The following SYNE1 variants were observed in gnomAD, a reference collection of about 807,000 sequenced individuals.
SYNE1 encodes nesprin-1.
A neutral mutation model predicts 1,111.0 loss-of-function variants in SYNE1; 616 were observed. That is an observed-to-expected ratio of 0.55 (90% confidence interval 0.52 to 0.59). The LOEUF (loss-of-function observed/expected upper bound fraction) is 0.59. Among genes scored for constraint, SYNE1 ranks in the 20% least tolerant of loss-of-function variants. The probability of loss-of-function intolerance (pLI) is 0.00; values close to 1 mark genes in which losing one functional copy is unlikely to be tolerated. For missense variants in SYNE1, 10,006 were observed against 10,417.0 expected, an observed-to-expected ratio of 0.96 and a Z score of 1.72; for synonymous variants, 3,855 against 3,825.8, an observed-to-expected ratio of 1.01 and a Z score of -0.28.
At position 152,243,761 on chromosome 6, in the gene SYNE1, T is replaced by C. The variant is rs576177200; in HGVS notation, c.19692+776A>G. ...CTGGACTGAGGTTACCAGTTCTCAATAGTTCTGCACACAGAGAAAATCTAA... is the reference window on the plus strand; with the variant it reads ...CTGGACTGAGGTTACCAGTTCTCAACAGTTCTGCACACAGAGAAAATCTAA... On this transcript the variant is annotated intron_variant, in intron 106 of 145. Coordinates refer to ENST00000367255, the MANE Select transcript of SYNE1 (RefSeq NM_182961.4). 9.8e-5 allele frequency among the ~76,000 whole-genome samples: 15 copies of C among 152,360 alleles called. No homozygotes were observed. The East Asian group carries it at 1.5e-3, about 16-fold the overall frequency.
intron 115 of SYNE1, 133 bp downstream of exon 115, chr6:152,230,414 C>T: frequency 1.0e-6 from 1 of 962,446 alleles, no homozygotes; most frequent in Non-Finnish European, 1.6e-6. Flanking sequence ...ACAAAATCAG[C>T]AAAATTTGTT....
At chr6:152,153,915 C>A (rs921122748) in intron 133 of SYNE1, among the ~76,000 whole-genome samples, 1 of 152,204 alleles carries the variant, frequency 6.6e-6, no homozygotes, top group Admixed American at 6.5e-5. Context: ...AAGCGAACTT[C>A]TTATTTCCCA....
intron 106 of SYNE1, 95 bp downstream of exon 106, chr6:152,244,442 T>C: frequency 6.3e-7 from 1 of 1,599,310 alleles, no homozygotes; most frequent in Non-Finnish European, 8.6e-7. Context: ...GTGGCGTGAA[T>C]TTTATAAAGA....
chr6:152,500,679 G>A (rs1253558690), intron 10 of SYNE1, among the ~76,000 whole-genome samples: 1 of 152,076 alleles, frequency 6.6e-6, no homozygotes, highest in African/African-American at 2.4e-5. Flanking sequence ...ACCAGGTGTG[G>A]TGGCTCACGC....
chr6:152,197,019 T>C (rs9478299), intron 127 of SYNE1, among the ~76,000 whole-genome samples: 3,153 of 152,294 alleles, frequency 0.021, 53 homozygotes, highest in African/African-American at 0.034. Flanking sequence ...GGGCATCAGC[T>C]GAGTTCTGCC....
chr6:152,255,409 T>A (rs932329791), intron 103 of SYNE1, among the ~76,000 whole-genome samples, 182 bp downstream of exon 103: 1 of 152,250 alleles, frequency 6.6e-6, no homozygotes, highest in South Asian at 2.1e-4. Context: ...TTTTCCCTCA[T>A]ACTTACACAA....
At position 152,450,923 on chromosome 6, in the gene SYNE1, G is replaced by A. The variant is rs1039194705; in HGVS notation, c.3187-90C>T. ...AGAAAAACCAAAGGAAGATTCCCAC[G>A]CAGACTACCAAGGTAGAGTAATTAA... On this transcript the variant is annotated intron_variant, in intron 26 of 145. Transcript: ENST00000367255. 14 of 1,589,916 alleles carry A rather than the reference G, an allele frequency of 8.8e-6. No individual in the cohort carries two copies. The African/African-American group carries it at 1.1e-4, about 12-fold the overall frequency.
intron 111 of SYNE1, 95 bp downstream of exon 111, chr6:152,234,573 G>A (rs934945340): frequency 6.8e-7 from 1 of 1,466,972 alleles, no homozygotes; most frequent in Non-Finnish European, 9.5e-7. Flanking sequence ...TTACAGGTGT[G>A]AGCCACCGCA....
chr6:152,606,796 C>T (rs1402005745), intron 3 of SYNE1, among the ~76,000 whole-genome samples: 3 of 144,630 alleles, frequency 2.1e-5, no homozygotes, highest in African/African-American at 5.1e-5. Context: ...TACAGGCGCC[C>T]GCCACCACGC....
intron 98 of SYNE1, among the ~76,000 whole-genome samples, chr6:152,273,446 G>T (rs1247121198): frequency 2.6e-5 from 4 of 151,878 alleles, no homozygotes; most frequent in African/African-American, 9.7e-5. Flanking sequence ...ATGTTCTAAA[G>T]AATTTTTTTA....
chr6:152,513,778 T>C (rs545048102), intron 6 of SYNE1, among the ~76,000 whole-genome samples: 2 of 151,642 alleles, frequency 1.3e-5, no homozygotes, highest in Non-Finnish European at 2.9e-5. Flanking sequence ...TAAACAAATT[T>C]ACAAGAAAAA....
intron 130 of SYNE1, among the ~76,000 whole-genome samples, chr6:152,168,567 C>A (rs1231214537): frequency 6.6e-6 from 1 of 152,174 alleles, no homozygotes; most frequent in Non-Finnish European, 1.5e-5. Context: ...ACTTTTCTTG[C>A]GGGCAGTTTG....
chr6:152,514,365 A>G (rs897337122), intron 6 of SYNE1, among the ~76,000 whole-genome samples: 4 of 152,210 alleles, frequency 2.6e-5, no homozygotes, highest in African/African-American at 9.6e-5. Context: ...ATTCTCAGCA[A>G]AATAACACAA....
At chr6:152,223,501 C>G (rs1353974628) in intron 117 of SYNE1, among the ~76,000 whole-genome samples, 1 of 152,124 alleles carries the variant, frequency 6.6e-6, no homozygotes, top group Admixed American at 6.5e-5. Context: ...ATGCCGTAAT[C>G]CCAGCTACTC....
intron 81 of SYNE1, 120 bp from the exon 82 acceptor site, chr6:152,323,857 C>T: frequency 8.3e-7 from 1 of 1,208,040 alleles, no homozygotes; most frequent in Non-Finnish European, 1.2e-6. Flanking sequence ...ATATAAATTC[C>T]ACATGTTAGG....
chr6:152,269,420 T>TA lies in SYNE1; in HGVS notation c.18574-135_18574-134insT, dbSNP rs765356245. The TA allele has an allele frequency of 3.8e-4, 502 of 1,312,824 alleles. 1 individual carries two copies. In the African/African-American group the frequency reaches 5.2e-3, roughly 14 times the overall value. 81.3% of individuals were successfully genotyped at this position (1,312,824 alleles called of 1,614,324 possible). On this transcript the variant is annotated intron_variant, in intron 98 of 145. Transcript: ENST00000367255. ...CCACTGGGATGTGAAACCACATTTT[T>TA]TAAAAAAAACAGTAACACAAAACCC...
At chr6:152,253,816 TG>T (rs774549755) in intron 104 of SYNE1, among the ~76,000 whole-genome samples, 500 of 40,190 alleles carry the variant, frequency 0.012, 71 homozygotes, top group African/African-American at 0.029. Context: ...TGTAGTGGTT[TG>T]GTTTTTTTTT....
intron 62 of SYNE1, 132 bp from the exon 63 acceptor site, chr6:152,365,151 G>A: frequency 8.7e-7 from 1 of 1,145,352 alleles, no homozygotes; most frequent in South Asian, 1.4e-5. Context: ...AGTCGGCTGA[G>A]ACAGAGGGTG....
At position 152,399,703 on chromosome 6, in the gene SYNE1, C is replaced by T; in HGVS notation, c.7150G>A (p.Gly2384Ser). The T allele has an allele frequency of 6.2e-7, 1 of 1,614,134 alleles. No individual in the cohort carries two copies. The highest frequency in any genetic ancestry group is 8.5e-7 in the Non-Finnish European group (1 of 1,180,018). Residue 2384 changes from glycine (G) to serine (S), a missense_variant, in exon 48 of 146, where the codon GGT (glycine) becomes AGT (serine). Physicochemically the swap from Gly to Ser is moderately conservative, Grantham distance 56 (BLOSUM62 0). Transcript: ENST00000367255. ...ELESLGRAMT[G>S]LIKKHEAVSQ... is the part of the protein sequence containing the mutation. ...ACGGCTTCATGTTTCTTTATCAGAC[C>T]AGTCATTGCACGGCCCAGGCTCTCC...
Sources: gnomAD v4.1 joint callset for allele counts (sites outside exome capture counted in the v4.1 genomes callset) on GRCh38, gnomAD v4.1.1 for gene constraint, MANE v1.5 for transcripts, NCBI Gene and HGNC (gene_info 2026-07-23, HGNC 2026-07-21) for gene names.